Variants in TRDN observed in about 807,000 individuals in gnomAD.
The protein encoded by TRDN is triadin in skeletal muscle.
Under a neutral mutation model 149.7 loss-of-function variants are expected in TRDN, and 161 were observed. That is an observed-to-expected ratio of 1.08 (90% CI 0.95 to 1.23). TRDN has a LOEUF of 1.23. Ranked by LOEUF, TRDN falls within the 50% of genes most tolerant of loss-of-function variation. The pLI is 0.00. For synonymous variants in TRDN, 294 were observed against 250.5 expected (o/e 1.17, Z -1.64); for missense variants, 896 against 823.5 (o/e 1.09, Z -1.08).
At position 123,384,979 on chromosome 6, in the gene TRDN, A is replaced by G. The variant is rs576590172; in HGVS notation, c.1136-2832T>C. Among the ~76,000 whole-genome samples, 7 of 152,324 alleles carry G rather than the reference A, an allele frequency of 4.6e-5. No homozygotes were observed. The South Asian group carries it at 1.4e-3, about 32-fold the overall frequency. On this transcript the variant is annotated intron_variant, in intron 14 of 40. Transcript: ENST00000334268. ...ACTTGGTCAATATACTTCCCTGCCC[A>G]ATAATCTGGGCAGTAGTCTTTTAAG...
chr6:123,574,857 C>CATATATATATATATATAT lies in TRDN; in HGVS notation c.23-3743_23-3726dup, dbSNP rs1162190609. Among the ~76,000 whole-genome samples, 4 of 50,562 alleles carry CATATATATATATATATAT rather than the reference C, an allele frequency of 7.9e-5. 1 individual carries two copies. The highest frequency in any genetic ancestry group is 1.5e-4 in the Non-Finnish European group (4 of 27,346). The allele number at this position is 50,562 out of a possible 152,430, so 33.2% of individuals were successfully genotyped here. A position where few individuals can be genotyped will look rare whatever the true frequency, so the allele number is the denominator to read the frequency against. ...AAAACAGAACATGAATTTATATATA[C>CATATATATATATATATAT]ATATATATATATATATATATATATA... On this transcript the variant is annotated intron_variant, in intron 1 of 40. Transcript: ENST00000334268.
chr6:123,283,983 C>CATATATATATATATATATATATATAT (rs1562244909), intron 24 of TRDN, among the ~76,000 whole-genome samples: 1 of 18,318 alleles, frequency 5.5e-5, no homozygotes, highest in South Asian at 3.2e-3. Flanking sequence ...ACCAACATGG[C>CATATATATATATATATATATATATAT]ACATATATAT....
chr6:123,267,570 A>G, intron 32 of TRDN, 137 bp downstream of exon 32: 2 of 522,544 alleles, frequency 3.8e-6, no homozygotes, highest in Middle Eastern at 5.4e-4. Flanking sequence ...CAGATAAACT[A>G]GATTACACTA....
intron 1 of TRDN, among the ~76,000 whole-genome samples, chr6:123,574,848 TTATATATACATATATATATATATATA>T (rs1404779876): frequency 4.9e-5 from 5 of 102,538 alleles, no homozygotes; most frequent in Admixed American, 2.0e-4. Flanking sequence ...GAACATGAAT[TTATATATACATATATATATATATATA>T]TATATATATA....
At chr6:123,627,796 C>G (rs1785757204) in intron 1 of TRDN, among the ~76,000 whole-genome samples, 2 of 152,196 alleles carry the variant, frequency 1.3e-5, no homozygotes, top group Non-Finnish European at 2.9e-5. Context: ...CTTGCTGCAG[C>G]TTCTACATCA....
chr6:123,290,965 T>A lies in TRDN; in HGVS notation c.1511-11883A>T, dbSNP rs368345454. 4.6e-5 allele frequency among the ~76,000 whole-genome samples: 7 copies of A among 152,168 alleles called. No homozygotes were observed. The East Asian group carries it at 7.8e-4, about 17-fold the overall frequency. ...TAAGGTCAGGAGTTGGAGACCAGCC[T>A]GGCCAACATGGTGAAACTCTGTTTC... On this transcript the variant is annotated intron_variant, in intron 24 of 40. Transcript: ENST00000334268.
At chr6:123,424,298 A>T (rs1180519173) in intron 12 of TRDN, among the ~76,000 whole-genome samples, 1 of 152,138 alleles carries the variant, frequency 6.6e-6, no homozygotes, top group East Asian at 1.9e-4. Flanking sequence ...CTAATTGGTT[A>T]TTCTGGCCTA....
intron 4 of TRDN, among the ~76,000 whole-genome samples, chr6:123,535,093 ACG>A (rs1013040696): frequency 2.6e-5 from 4 of 152,176 alleles, no homozygotes; most frequent in African/African-American, 9.6e-5. Flanking sequence ...ATCTTAATCC[ACG>A]TGTGAGTCTG....
chr6:123,512,161 T>A (rs1779214100), intron 7 of TRDN, 142 bp downstream of exon 7: 1 of 513,366 alleles, frequency 1.9e-6, no homozygotes, highest in Admixed American at 3.4e-5. Flanking sequence ...TTCTTTTAGA[T>A]ATTAAATTTT....
intron 23 of TRDN, among the ~76,000 whole-genome samples, chr6:123,328,389 C>G (rs987168919): frequency 1.3e-5 from 2 of 152,202 alleles, no homozygotes; most frequent in Admixed American, 1.3e-4. Flanking sequence ...ACCAACACCA[C>G]CTGCAAACCT....
intron 23 of TRDN, among the ~76,000 whole-genome samples, 156 bp downstream of exon 23, chr6:123,331,723 A>G (rs1779666237): frequency 1.3e-5 from 2 of 152,068 alleles, no homozygotes; most frequent in African/African-American, 4.8e-5. Flanking sequence ...TTTAGAATTT[A>G]ATGATGGAAT....
chr6:123,407,005 C>T (rs1270964953), intron 12 of TRDN, among the ~76,000 whole-genome samples: 1 of 151,826 alleles, frequency 6.6e-6, no homozygotes, highest in Admixed American at 6.6e-5. Flanking sequence ...GCTCAGGGTG[C>T]TTGCTGAGAG....
At chr6:123,265,256 G>T (rs1776899764) in intron 33 of TRDN, 62 bp downstream of exon 33, 3 of 1,230,538 alleles carry the variant, frequency 2.4e-6, no homozygotes, top group Non-Finnish European at 2.2e-6. Context: ...ATAACTCAAA[G>T]AAATTGTGAA....
intron 9 of TRDN, among the ~76,000 whole-genome samples, chr6:123,490,172 C>T (rs552198514): frequency 1.2e-4 from 18 of 152,198 alleles, no homozygotes; most frequent in African/African-American, 4.3e-4. Context: ...GTGAACAATG[C>T]ATTTCAAAGA....
At chr6:123,545,438 A>T (rs1781063936) in intron 4 of TRDN, among the ~76,000 whole-genome samples, 1 of 151,914 alleles carries the variant, frequency 6.6e-6, no homozygotes, top group Admixed American at 6.6e-5. Context: ...AAGCTTACAC[A>T]TAAAAAATAA....
intron 2 of TRDN, among the ~76,000 whole-genome samples, chr6:123,562,597 C>T (rs1402635192): frequency 6.6e-6 from 1 of 152,162 alleles, no homozygotes; most frequent in Middle Eastern, 3.2e-3. Context: ...TGTTTATAAG[C>T]TATCCAGTTT....
intron 1 of TRDN, among the ~76,000 whole-genome samples, chr6:123,622,587 T>A (rs1056933603): frequency 3.3e-5 from 5 of 152,274 alleles, no homozygotes; most frequent in South Asian, 4.1e-4. Context: ...AAAAATATTT[T>A]AAAAATTATG....
intron 4 of TRDN, among the ~76,000 whole-genome samples, chr6:123,539,963 AT>A (rs1780744325): frequency 6.6e-6 from 1 of 152,224 alleles, no homozygotes; most frequent in South Asian, 2.1e-4. Flanking sequence ...ACAGATTGTT[AT>A]TTAGCAAATC....
rs538489790 is a variant in TRDN, at chr6:123,337,134, A to C, written c.1420+485T>G. Among the ~76,000 whole-genome samples, 3 of 152,174 alleles carry C rather than the reference A, an allele frequency of 2.0e-5. 1 individual carries two copies. The South Asian group carries it at 6.2e-4, about 32-fold the overall frequency. ...GACTAACGCAGGCAGAATATGCCTC[A>C]GAGCATTTGAAAATATCAGAATGCA... On this transcript the variant is annotated intron_variant, in intron 22 of 40. Transcript: ENST00000334268.
Sources: allele counts gnomAD v4.1 joint callset (sites outside exome capture counted in the v4.1 genomes callset), GRCh38; gene constraint gnomAD v4.1.1; transcripts MANE v1.5; gene names NCBI Gene and HGNC (gene_info 2026-07-23, HGNC 2026-07-21).